Variants in FANCD2OS observed in about 807,000 individuals in gnomAD.
FANCD2OS encodes FANCD2 opposite strand.
Under a neutral mutation model 13.2 loss-of-function variants are expected in FANCD2OS, and 11 were observed. The observed-to-expected ratio is 0.83, with a 90% CI of 0.52 to 1.38. The LOEUF (loss-of-function observed/expected upper bound fraction) is 1.38. FANCD2OS is among the 40% of genes most tolerant of loss of function. FANCD2OS has a pLI of 0.00. For synonymous variants in FANCD2OS, 69 were observed against 84.5 expected (o/e 0.82, Z 1.01); for missense variants, 217 against 213.9 (o/e 1.01, Z -0.09).
Position 10,104,390 on chromosome 3 carries a change from T to G in FANCD2OS, c.385A>C (p.Ile129Leu). Residue 129 changes from isoleucine to leucine, a missense_variant, in exon 2 of 2, where the codon ATC becomes CTC. Physicochemically the swap from Ile to Leu is conservative, Grantham distance 5. Transcript: ENST00000450660. Reference protein sequence around the residue: ...RVSDKSAFCKIISREHQWPIG... With the variant: ...RVSDKSAFCKLISREHQWPIG... ...GGCCACTGGTGCTCCCTGCTAATGA[T>G]TTTGCAAAAGGCTGACTTGTCTGAA... 6 of 1,614,188 alleles carry G rather than the reference T, an allele frequency of 3.7e-6. No individual in the cohort carries two copies. Among genetic ancestry groups the G allele is most frequent in the Non-Finnish European group, 4.2e-6 (5 of 1,180,032 alleles).
intron 2 of FANCD2OS, among the ~76,000 whole-genome samples, chr3:10,090,681 A>G (rs1243518621): frequency 6.6e-6 from 1 of 152,076 alleles, no homozygotes; most frequent in Non-Finnish European, 1.5e-5. Context: ...GCTAGTCTCG[A>G]ACTCCTGACT....
At chr3:10,084,290 CT>C (rs112071263) in intron 2 of FANCD2OS, among the ~76,000 whole-genome samples, 44 of 142,788 alleles carry the variant, frequency 3.1e-4, no homozygotes, top group South Asian at 6.7e-4. Flanking sequence ...CTACACCTGG[CT>C]TTTTTTTTTT....
chr3:10,095,304 C>T, intron 2 of FANCD2OS: 5 of 1,591,806 alleles, frequency 3.1e-6, no homozygotes, highest in Non-Finnish European at 3.4e-6. Context: ...CTATCAGCAG[C>T]CTGCCTGTTG....
chr3:10,099,059 T>C, downstream of FANCD2OS: 1 of 1,581,746 alleles, frequency 6.3e-7, no homozygotes, highest in Non-Finnish European at 8.6e-7. Flanking sequence ...GTTGACAATT[T>C]TCTGCATTAT....
chr3:10,084,753 AGAG>A (rs1222226780), intron 2 of FANCD2OS, among the ~76,000 whole-genome samples: 2 of 152,242 alleles, frequency 1.3e-5, no homozygotes, highest in African/African-American at 4.8e-5. Flanking sequence ...AGATGCTTCT[AGAG>A]GAGAAGATCT....
chr3:10,081,365 A>G (rs753254982), exon 3 of FANCD2OS: 1 of 1,614,012 alleles, frequency 6.2e-7, no homozygotes, highest in South Asian at 1.1e-5. Context: ...GCTGAGAATC[A>G]CGGTGTAGTT....
At chr3:10,088,141 T>C (rs1163220410) in intron 2 of FANCD2OS, among the ~76,000 whole-genome samples, 1 of 152,208 alleles carries the variant, frequency 6.6e-6, no homozygotes. Flanking sequence ...AAGATTGGCC[T>C]TCCCACTGCC....
At chr3:10,088,032 A>C (rs1419244517) in intron 2 of FANCD2OS, among the ~76,000 whole-genome samples, 1 of 152,212 alleles carries the variant, frequency 6.6e-6, no homozygotes, top group Non-Finnish European at 1.5e-5. Context: ...GCAAGATAAA[A>C]ATGCAAAACA....
At chr3:10,088,043 A>C (rs1033632771) in intron 2 of FANCD2OS, among the ~76,000 whole-genome samples, 2 of 152,220 alleles carry the variant, frequency 1.3e-5, no homozygotes, top group Non-Finnish European at 2.9e-5. Flanking sequence ...ATGCAAAACA[A>C]ACCTTTATTT....
At chr3:10,087,302 A>G (rs759314164) in intron 2 of FANCD2OS, 44 of 1,141,782 alleles carry the variant, frequency 3.9e-5, no homozygotes, top group Non-Finnish European at 4.9e-5. Flanking sequence ...TTTTTTTTTA[A>G]TGAATAGGAC....
At chr3:10,094,779 C>T (rs995918944) in intron 2 of FANCD2OS, 11 of 309,324 alleles carry the variant, frequency 3.6e-5, no homozygotes, top group Non-Finnish European at 6.2e-5. Flanking sequence ...GTTTTTTAGC[C>T]AATGGCATCC....
At chr3:10,105,802 ATATATATATATATATATATTT>A (rs1695480095) in intron 1 of FANCD2OS, among the ~76,000 whole-genome samples, 3 of 80,146 alleles carry the variant, frequency 3.7e-5, no homozygotes, top group South Asian at 4.5e-4. Context: ...ATATATATAT[ATATATATATATATATATATTT>A]TGAGGTTCGC....
At chr3:10,105,766 AAAAAATTATAT>A (rs1695462217) in intron 1 of FANCD2OS, among the ~76,000 whole-genome samples, 16 of 58,698 alleles carry the variant, frequency 2.7e-4, no homozygotes, top group African/African-American at 1.8e-3. Context: ...AAAAAAAAAA[AAAAAATTATAT>A]ATATATATAT....
intron 1 of FANCD2OS, among the ~76,000 whole-genome samples, chr3:10,105,002 A>G (rs1183447902): frequency 2.6e-5 from 4 of 152,122 alleles, no homozygotes; most frequent in Admixed American, 6.6e-5. Context: ...GCTGGAGTGC[A>G]GTGGAGCGAT....
chr3:10,090,876 T>G (rs1213553453), intron 2 of FANCD2OS, among the ~76,000 whole-genome samples: 1 of 151,904 alleles, frequency 6.6e-6, no homozygotes, highest in Non-Finnish European at 1.5e-5. Flanking sequence ...CTAGTTTAAT[T>G]TCCTTTCCCT....
At chr3:10,094,057 G>A (rs554700295) in intron 2 of FANCD2OS, among the ~76,000 whole-genome samples, 2 of 152,282 alleles carry the variant, frequency 1.3e-5, no homozygotes, top group South Asian at 2.1e-4. Flanking sequence ...CCTGTCCATC[G>A]ACTGTATCTG....
intron 2 of FANCD2OS, chr3:10,092,111 C>G (rs1336995978): frequency 1.9e-6 from 2 of 1,047,938 alleles, no homozygotes; most frequent in Admixed American, 3.4e-5. Context: ...AGAACTATAT[C>G]TTAGTGGGAA....
intron 1 of FANCD2OS, among the ~76,000 whole-genome samples, chr3:10,107,197 G>T (rs1695519097): frequency 6.6e-6 from 1 of 152,206 alleles, no homozygotes; most frequent in Non-Finnish European, 1.5e-5. Flanking sequence ...CCATGGCAAG[G>T]TGGGCGGAGG....
chr3:10,103,082 C>T (rs531618533), downstream of FANCD2OS: 4 of 440,940 alleles, frequency 9.1e-6, no homozygotes, highest in East Asian at 2.2e-4. Context: ...TGTGGTGAAA[C>T]TCCATCTCTA....
Sources: allele counts gnomAD v4.1 joint callset (sites outside exome capture counted in the v4.1 genomes callset), GRCh38; gene constraint gnomAD v4.1.1; transcripts MANE v1.5; gene names NCBI Gene and HGNC (gene_info 2026-07-23, HGNC 2026-07-21).